Variants in FIRRM observed in about 807,000 individuals in gnomAD.
FIRRM encodes FIGNL1 interacting regulator of recombination and mitosis, also known as FIGNL1-interacting regulator of recombination and mitosis.
the FIRRM span, among the ~76,000 whole-genome samples, chr1:169,801,350 CAG>C: frequency 6.9e-6 from 1 of 144,648 alleles, no homozygotes; most frequent in African/African-American, 2.6e-5. Flanking sequence ...GAGACTGAGA[CAG>C]GAGAATTGCT....
At chr1:169,810,824 T>C in the FIRRM span, among the ~76,000 whole-genome samples, 1 of 148,970 alleles carries the variant, frequency 6.7e-6, no homozygotes, top group African/African-American at 2.5e-5. Flanking sequence ...ATATAGTTCT[T>C]TAGCCCCCAA....
At chr1:169,853,568 A>G in the FIRRM span, 1 of 794,918 alleles carries the variant, frequency 1.3e-6, no homozygotes, top group Non-Finnish European at 2.0e-6. Flanking sequence ...CTCCTACTTC[A>G]GTTGGCACAG....
chr1:169,803,426 T>A, the FIRRM span: 15 of 1,030,954 alleles, frequency 1.5e-5, no homozygotes, highest in Admixed American at 1.3e-4. Context: ...AATAAACTTT[T>A]CCATAGAATA....
chr1:169,842,362 G>T, the FIRRM span: 2 of 1,555,368 alleles, frequency 1.3e-6, no homozygotes, highest in East Asian at 2.3e-5. Flanking sequence ...TCGGCTCTTG[G>T]TGGTGCTTTA....
the FIRRM span, among the ~76,000 whole-genome samples, chr1:169,790,450 T>G: frequency 2.0e-5 from 3 of 152,124 alleles, no homozygotes; most frequent in Non-Finnish European, 2.9e-5. Flanking sequence ...CCTCCCAAAG[T>G]GCTGGGATTA....
the FIRRM span, chr1:169,843,727 G>T: frequency 6.2e-6 from 10 of 1,612,360 alleles, no homozygotes; most frequent in Non-Finnish European, 8.5e-6. Flanking sequence ...TTCCACTGTT[G>T]GGATTTTTCA....
At chr1:169,848,449 A>G in the FIRRM span, among the ~76,000 whole-genome samples, 1 of 152,220 alleles carries the variant, frequency 6.6e-6, no homozygotes, top group Non-Finnish European at 1.5e-5. Context: ...GAGACTATAA[A>G]GAGTTCACTA....
the FIRRM span, chr1:169,803,064 C>T: frequency 2.1e-6 from 2 of 966,382 alleles, no homozygotes; most frequent in Non-Finnish European, 3.1e-6. Context: ...GAGGAAGAGA[C>T]TGTGTTTTGT....
At chr1:169,847,011 T>C in the FIRRM span, among the ~76,000 whole-genome samples, 1 of 152,122 alleles carries the variant, frequency 6.6e-6, no homozygotes, top group Non-Finnish European at 1.5e-5. Context: ...TTTAATATTG[T>C]GTCTCAGGGA....
chr1:169,847,244 A>ACACATGC, the FIRRM span, among the ~76,000 whole-genome samples: 2 of 151,010 alleles, frequency 1.3e-5, no homozygotes, highest in Admixed American at 6.6e-5. Context: ...CATGAAGTGA[A>ACACATGC]CACATGCTGT....
the FIRRM span, among the ~76,000 whole-genome samples, chr1:169,801,377 G>A: frequency 2.0e-5 from 3 of 150,480 alleles, no homozygotes; most frequent in Admixed American, 6.6e-5. Flanking sequence ...CCTGGGAGGC[G>A]GAGGTTGCAT....
At chr1:169,852,613 C>T in the FIRRM span, 6 of 633,074 alleles carry the variant, frequency 9.5e-6, no homozygotes, top group African/African-American at 1.1e-4. Context: ...CTATGATAAA[C>T]CAAAATGCCT....
chr1:169,846,647 C>T, the FIRRM span, among the ~76,000 whole-genome samples: 2 of 152,142 alleles, frequency 1.3e-5, no homozygotes, highest in African/African-American at 4.8e-5. Context: ...TAGCATCAAA[C>T]ATTTCTTCTG....
chr1:169,850,980 C>CTTTGTTTTTTTTTTTTTTTTT, the FIRRM span: 1 of 31,570 alleles, frequency 3.2e-5, no homozygotes, highest in Non-Finnish European at 4.9e-5. Context: ...TTAGGCATGG[C>CTTTGTTTTTTTTTTTTTTTTT]TTTTTTTTTT....
At chr1:169,826,007 C>A in the FIRRM span, 1 of 215,238 alleles carries the variant, frequency 4.6e-6, no homozygotes, top group Non-Finnish European at 1.0e-5. Flanking sequence ...TCTTGTAAAG[C>A]TCTTGCTTCT....
At chr1:169,839,240 A>T in the FIRRM span, among the ~76,000 whole-genome samples, 2 of 152,098 alleles carry the variant, frequency 1.3e-5, no homozygotes, top group African/African-American at 4.8e-5. Flanking sequence ...ATGTGAGTAC[A>T]TGTGTCTTTT....
chr1:169,785,727 G>A, the FIRRM span, among the ~76,000 whole-genome samples: 1 of 152,038 alleles, frequency 6.6e-6, no homozygotes, highest in Admixed American at 6.6e-5. Context: ...CTTTTTAGGT[G>A]CAAAAAACAG....
the FIRRM span, among the ~76,000 whole-genome samples, chr1:169,790,994 A>G: frequency 6.6e-6 from 1 of 152,220 alleles, no homozygotes; most frequent in African/African-American, 2.4e-5. Flanking sequence ...TCTCACAAGG[A>G]GTGCGCAAGC....
the FIRRM span, among the ~76,000 whole-genome samples, chr1:169,839,846 T>G: frequency 4.9e-4 from 74 of 152,360 alleles, no homozygotes; most frequent in Non-Finnish European, 8.2e-4. Flanking sequence ...CCTAGGATTC[T>G]TATAGTTTGA....
Sources: allele counts gnomAD v4.1 joint callset (sites outside exome capture counted in the v4.1 genomes callset), GRCh38; gene constraint gnomAD v4.1.1; transcripts MANE v1.5; gene names NCBI Gene and HGNC (gene_info 2026-07-23, HGNC 2026-07-21).